The following DGKB variants were observed in gnomAD, a reference collection of about 807,000 sequenced individuals.
DGKB encodes 90 kDa diacylglycerol kinase.
DGKB carries 67 observed loss-of-function variants against 114.3 expected under a neutral mutation model. The ratio of observed to expected loss-of-function variants is 0.59; its 90% CI spans 0.48 to 0.72. DGKB has a LOEUF of 0.72. Among genes scored for constraint, DGKB ranks in the 30% least tolerant of loss-of-function variants. DGKB has a pLI of 0.00. For synonymous variants in DGKB, 398 were observed against 323.1 expected (o/e 1.23, Z -2.49); for missense variants, 907 against 975.2 (o/e 0.93, Z 0.93).
At chr7:14,930,979 T>A (rs1224552968) in intron 1 of DGKB, among the ~76,000 whole-genome samples, 2 of 152,224 alleles carry the variant, frequency 1.3e-5, no homozygotes, top group East Asian at 3.8e-4. Flanking sequence ...GATTCTGTCC[T>A]TAATTCTGTT....
chr7:14,625,203 A>G (rs921815563), intron 14 of DGKB, among the ~76,000 whole-genome samples: 2 of 152,140 alleles, frequency 1.3e-5, no homozygotes, highest in African/African-American at 2.4e-5. Flanking sequence ...AAACACAAAC[A>G]CACAGACACA....
intron 23 of DGKB, among the ~76,000 whole-genome samples, chr7:14,214,530 G>A (rs1342154020): frequency 6.6e-6 from 1 of 151,784 alleles, no homozygotes; most frequent in African/African-American, 2.4e-5. Context: ...CTGGATAAGG[G>A]GATAAATGCA....
At chr7:14,390,513 G>A (rs1384996963) in intron 21 of DGKB, among the ~76,000 whole-genome samples, 1 of 152,106 alleles carries the variant, frequency 6.6e-6, no homozygotes, top group Non-Finnish European at 1.5e-5. Context: ...GGCTTCATAT[G>A]AAGAAGTGAT....
At chr7:14,721,552 A>T (rs576461774) in intron 5 of DGKB, among the ~76,000 whole-genome samples, 1 of 152,274 alleles carries the variant, frequency 6.6e-6, no homozygotes, top group Admixed American at 6.5e-5. Context: ...AAGCTGTATC[A>T]TGTATTTATT....
intron 23 of DGKB, among the ~76,000 whole-genome samples, chr7:14,312,947 T>A (rs934649008): frequency 1.3e-5 from 2 of 152,228 alleles, no homozygotes; most frequent in African/African-American, 4.8e-5. Flanking sequence ...AAAGCCTGCA[T>A]AACAGAACTG....
chr7:14,652,749 C>T (rs1235676047), intron 13 of DGKB, among the ~76,000 whole-genome samples: 1 of 152,000 alleles, frequency 6.6e-6, no homozygotes, highest in East Asian at 1.9e-4. Flanking sequence ...GCAATCTACT[C>T]ATCTGACAAA....
chr7:14,830,075 G>A (rs982261837), intron 2 of DGKB, among the ~76,000 whole-genome samples: 3 of 152,058 alleles, frequency 2.0e-5, no homozygotes, highest in African/African-American at 7.2e-5. Flanking sequence ...GCAAAGATGA[G>A]TATGGGGAGG....
intron 23 of DGKB, among the ~76,000 whole-genome samples, chr7:14,195,166 G>A (rs1048808227): frequency 1.3e-5 from 2 of 152,130 alleles, no homozygotes; most frequent in Non-Finnish European, 2.9e-5. Context: ...TAAGCTTTGT[G>A]AAGGGACTGA....
chr7:14,374,442 A>G (rs1563049283), intron 21 of DGKB, among the ~76,000 whole-genome samples: 1 of 152,174 alleles, frequency 6.6e-6, no homozygotes, highest in Non-Finnish European at 1.5e-5. Flanking sequence ...TCTCTTTGCA[A>G]TGTGCCTCAG....
At chr7:14,360,114 C>A (rs962351873) in intron 21 of DGKB, among the ~76,000 whole-genome samples, 1 of 152,078 alleles carries the variant, frequency 6.6e-6, no homozygotes, top group South Asian at 2.1e-4. Flanking sequence ...ACATATACAC[C>A]ATGGAATACT....
chr7:14,702,320 G>A (rs772344653), intron 6 of DGKB, among the ~76,000 whole-genome samples: 3 of 152,080 alleles, frequency 2.0e-5, no homozygotes, highest in African/African-American at 7.2e-5. Context: ...CAGTATGGGC[G>A]AGGAAGGCGG....
intron 23 of DGKB, among the ~76,000 whole-genome samples, chr7:14,213,792 C>CT (rs1788522088): frequency 6.6e-6 from 1 of 152,088 alleles, no homozygotes; most frequent in African/African-American, 2.4e-5. Context: ...ACTGTGGTGA[C>CT]GGTGATACAG....
At chr7:14,245,756 C>T (rs897875596) in intron 23 of DGKB, among the ~76,000 whole-genome samples, 5 of 151,958 alleles carry the variant, frequency 3.3e-5, no homozygotes, top group Non-Finnish European at 1.5e-5. Context: ...GGTGAAACCC[C>T]GTCTCTACTA....
At chr7:14,453,909 C>G (rs1831897655) in intron 21 of DGKB, among the ~76,000 whole-genome samples, 1 of 152,132 alleles carries the variant, frequency 6.6e-6, no homozygotes, top group African/African-American at 2.4e-5. Flanking sequence ...TGTCTTATTA[C>G]TTATCAGTGG....
chr7:14,531,251 GA>G (rs201130027), intron 20 of DGKB, among the ~76,000 whole-genome samples: 6 of 150,978 alleles, frequency 4.0e-5, no homozygotes, highest in Middle Eastern at 3.4e-3. Flanking sequence ...TGAAAGAGAA[GA>G]AAAAAAACAA....
At chr7:14,256,413 C>A (rs1051820416) in intron 23 of DGKB, among the ~76,000 whole-genome samples, 3 of 151,762 alleles carry the variant, frequency 2.0e-5, no homozygotes, top group African/African-American at 7.3e-5. Flanking sequence ...TTGAAAGCCT[C>A]TCTTAAAGTT....
intron 20 of DGKB, among the ~76,000 whole-genome samples, chr7:14,544,744 A>G (rs1179795166): frequency 2.0e-5 from 3 of 152,198 alleles, no homozygotes; most frequent in Admixed American, 2.0e-4. Context: ...AAAACTTGAC[A>G]TGTTGTTTTT....
In DGKB at chr7:14,784,637, A is replaced by G. The variant is rs183671923; in HGVS notation, c.71-26906T>C. ...AGCAATCTGCCCACCTCAGCCTCCC[A>G]AAGTGCTGAGATTACAGGTGTGAGC... On this transcript the variant is annotated intron_variant, in intron 2 of 25. Transcript: ENST00000402815. Among the ~76,000 whole-genome samples, 62 of 152,314 alleles carry G rather than the reference A, an allele frequency of 4.1e-4. No homozygotes were observed. The East Asian group carries it at 9.9e-3, about 24-fold the overall frequency.
At chr7:14,602,361 G>C (rs1317368056) in intron 17 of DGKB, among the ~76,000 whole-genome samples, 2 of 152,120 alleles carry the variant, frequency 1.3e-5, no homozygotes, top group Non-Finnish European at 2.9e-5. Context: ...TAATGTATCT[G>C]TATGTAAGAA....
Sources: gnomAD v4.1 joint callset for allele counts (sites outside exome capture counted in the v4.1 genomes callset) on GRCh38, gnomAD v4.1.1 for gene constraint, MANE v1.5 for transcripts, NCBI Gene and HGNC (gene_info 2026-07-23, HGNC 2026-07-21) for gene names.